Variants in ADGRV1 observed in about 807,000 individuals in gnomAD.
ADGRV1 encodes the protein adhesion G protein-coupled receptor V1.
A neutral mutation model predicts 596.2 loss-of-function variants in ADGRV1; 359 were observed. That is an observed-to-expected ratio of 0.60 (90% CI 0.55 to 0.66). The LOEUF (loss-of-function observed/expected upper bound fraction) is 0.66. ADGRV1 is among the 30% of genes least tolerant of loss of function. The pLI is 0.00. For missense variants in ADGRV1, 7,274 were observed against 7,575.6 expected (o/e 0.96, Z 1.48); for synonymous variants, 2,681 against 2,679.2 (o/e 1.00, Z -0.02).
intron 71 of ADGRV1, among the ~76,000 whole-genome samples, chr5:90,804,500 C>G (rs1761714943): frequency 6.6e-6 from 1 of 152,130 alleles, no homozygotes; most frequent in South Asian, 2.1e-4. Context: ...TCTGTGGCTC[C>G]AGAAGTTATC....
intron 85 of ADGRV1, among the ~76,000 whole-genome samples, chr5:90,999,426 T>G (rs190380532): frequency 5.3e-5 from 8 of 152,080 alleles, no homozygotes; most frequent in African/African-American, 9.6e-5. Context: ...TCAGTCTATA[T>G]TCATCCTAAT....
At position 90,652,375 on chromosome 5, in the gene ADGRV1, G is replaced by T; in HGVS notation, c.3446G>T (p.Ser1149Ile). The T allele has an allele frequency of 1.2e-6, 2 of 1,604,576 alleles. No individual in the cohort carries two copies. The highest frequency in any genetic ancestry group is 1.3e-5 in the African/African-American group (1 of 74,682). The change falls in exon 19 of 90, where the codon AGT (serine) becomes ATT (isoleucine). Residue 1149 changes from serine to isoleucine, a missense_variant. By Grantham distance (142) the Ser-to-Ile change is moderately radical. Coordinates refer to ENST00000405460, the MANE Select transcript of ADGRV1 (RefSeq NM_032119.4). ...WILRHRGYFG[S>I]VSVSWQLFQN... ...TTGAGGCACCGAGGATACTTTGGTA[G>T]TGTTTCTGTATCTTGGCAGCTCTTT...
chr5:91,149,860 AAAAG>A (rs1168020064), intron 87 of ADGRV1, among the ~76,000 whole-genome samples, 166 bp from the exon 88 acceptor site: 4 of 151,182 alleles, frequency 2.6e-5, no homozygotes, highest in Non-Finnish European at 4.4e-5. Flanking sequence ...GAGAAAGAAA[AAAAG>A]AAAGAAAGAA....
chr5:90,983,287 T>C (rs1780230128), intron 84 of ADGRV1, among the ~76,000 whole-genome samples: 1 of 152,220 alleles, frequency 6.6e-6, no homozygotes, highest in African/African-American at 2.4e-5. Flanking sequence ...TATCTGAGCC[T>C]GTGGTCAAGG....
chr5:90,603,752 A>G (rs944706633), intron 1 of ADGRV1, among the ~76,000 whole-genome samples: 12 of 151,778 alleles, frequency 7.9e-5, no homozygotes, highest in African/African-American at 2.9e-4. Context: ...GTGTCCAGCT[A>G]AAGGTTTCAT....
At chr5:91,095,005 A>T (rs1002735336) in intron 86 of ADGRV1, among the ~76,000 whole-genome samples, 1 of 152,216 alleles carries the variant, frequency 6.6e-6, no homozygotes, top group Non-Finnish European at 1.5e-5. Context: ...ATCTGGAGAC[A>T]GAGGCCAAAG....
chr5:90,784,633 T>C (rs1014565132), intron 67 of ADGRV1, among the ~76,000 whole-genome samples: 3 of 152,112 alleles, frequency 2.0e-5, no homozygotes, highest in Non-Finnish European at 4.4e-5. Context: ...GTTTCAGGCA[T>C]GGAGGGGTTC....
intron 84 of ADGRV1, among the ~76,000 whole-genome samples, chr5:90,965,816 C>T (rs1179832053): frequency 6.6e-6 from 1 of 152,064 alleles, no homozygotes; most frequent in Non-Finnish European, 1.5e-5. Context: ...GAAATTTGAA[C>T]ATTTTTCTAG....
chr5:90,904,273 T>C (rs1772117174), intron 83 of ADGRV1, among the ~76,000 whole-genome samples: 2 of 152,260 alleles, frequency 1.3e-5, no homozygotes, highest in South Asian at 4.1e-4. Context: ...TTTGGGTATA[T>C]ACCCAGCAGG....
chr5:91,050,302 A>C (rs1786202113), intron 85 of ADGRV1, among the ~76,000 whole-genome samples: 1 of 152,122 alleles, frequency 6.6e-6, no homozygotes. Context: ...TAGCTCCCTG[A>C]TTTGGTAGTA....
chr5:91,120,587 A>G (rs1793226007), intron 87 of ADGRV1, among the ~76,000 whole-genome samples: 1 of 151,986 alleles, frequency 6.6e-6, no homozygotes, highest in Non-Finnish European at 1.5e-5. Flanking sequence ...TTTTCTGAAC[A>G]TAGTCTGGAA....
rs192720974 is a variant in ADGRV1, at chr5:90,908,493, A to G, written c.17856+44636A>G. ...TTCTATACCCATAGATTATGATTTA[A>G]TGACCACTTGCCAATATTTCCTATT... is the stretch of plus-strand genomic sequence containing the variant. On this transcript the variant is annotated intron_variant, in intron 83 of 89. Transcript: ENST00000405460. Among the ~76,000 whole-genome samples, 312 of 152,320 alleles carry G rather than the reference A, an allele frequency of 2.0e-3. 2 individuals carry two copies. The highest frequency in any genetic ancestry group is 7.3e-3 in the African/African-American group (303 of 41,562).
chr5:90,818,419 C>T (rs1398159686), intron 75 of ADGRV1, among the ~76,000 whole-genome samples: 2 of 150,098 alleles, frequency 1.3e-5, no homozygotes, highest in East Asian at 3.9e-4. Flanking sequence ...CTTCTCCTGC[C>T]TAATTGCCCT....
intron 84 of ADGRV1, among the ~76,000 whole-genome samples, chr5:90,972,771 G>A (rs900011642): frequency 2.6e-5 from 4 of 151,820 alleles, no homozygotes; most frequent in Admixed American, 1.3e-4. Flanking sequence ...AAATTGACAC[G>A]CTAACATCAC....
At chr5:90,796,712 C>T (rs1044684653) in intron 70 of ADGRV1, among the ~76,000 whole-genome samples, 6 of 152,146 alleles carry the variant, frequency 3.9e-5, no homozygotes, top group African/African-American at 1.4e-4. Flanking sequence ...ATGTTAAGGG[C>T]AGCCAGAGAG....
intron 6 of ADGRV1, among the ~76,000 whole-genome samples, 200 bp from the exon 7 acceptor site, chr5:90,627,011 T>C (rs1230191568): frequency 2.6e-5 from 4 of 152,226 alleles, no homozygotes; most frequent in Non-Finnish European, 5.9e-5. Flanking sequence ...ACGTTTTCTT[T>C]TCCTGTGTAA....
chr5:90,883,311 C>T (rs1237882989), intron 83 of ADGRV1, among the ~76,000 whole-genome samples: 1 of 152,054 alleles, frequency 6.6e-6, no homozygotes, highest in Non-Finnish European at 1.5e-5. Flanking sequence ...TTCAGGCCAT[C>T]GAAGAGGATT....
chr5:90,681,036 T>C (rs1214899268), intron 26 of ADGRV1, among the ~76,000 whole-genome samples: 1 of 152,216 alleles, frequency 6.6e-6, no homozygotes, highest in African/African-American at 2.4e-5. Flanking sequence ...AAGAATGTTC[T>C]CTTTCATAGA....
intron 85 of ADGRV1, among the ~76,000 whole-genome samples, chr5:91,000,452 T>C (rs1041606426): frequency 6.6e-6 from 1 of 152,180 alleles, no homozygotes; most frequent in Non-Finnish European, 1.5e-5. Flanking sequence ...TTAGAAATAT[T>C]GGAATTATGA....
Sources: allele counts gnomAD v4.1 joint callset (sites outside exome capture counted in the v4.1 genomes callset), GRCh38; gene constraint gnomAD v4.1.1; transcripts MANE v1.5; gene names NCBI Gene and HGNC (gene_info 2026-07-23, HGNC 2026-07-21).